The following TENM3 variants were observed in gnomAD, a reference collection of about 807,000 sequenced individuals.
TENM3 encodes teneurin transmembrane protein 3.
TENM3 carries 63 observed loss-of-function variants against 255.1 expected under a neutral mutation model. The ratio of observed to expected loss-of-function variants is 0.25; its 90% CI spans 0.20 to 0.30. TENM3 has a LOEUF of 0.30. TENM3 is among the 10% of genes least tolerant of loss of function. The probability of loss-of-function intolerance (pLI) is 1.00; values close to 1 mark genes in which losing one functional copy is unlikely to be tolerated. For missense variants in TENM3, 2,929 were observed against 3,461.1 expected (o/e 0.85, Z 3.86); for synonymous variants, 1,306 against 1,322.3 (o/e 0.99, Z 0.27).
At chr4:182,703,661 AT>A (rs1285708666) in intron 12 of TENM3, among the ~76,000 whole-genome samples, 1 of 152,220 alleles carries the variant, frequency 6.6e-6, no homozygotes, top group Non-Finnish European at 1.5e-5. Context: ...TTTGTTTACT[AT>A]TTTCATAAAA....
At chr4:182,060,151 C>G in the TENM3 span, among the ~76,000 whole-genome samples, 1 of 152,030 alleles carries the variant, frequency 6.6e-6, no homozygotes, top group Non-Finnish European at 1.5e-5. Context: ...GTGGAAGGAT[C>G]GCTTAAGTCC....
chr4:182,048,210 A>G, the TENM3 span, among the ~76,000 whole-genome samples: 2 of 152,216 alleles, frequency 1.3e-5, no homozygotes, highest in African/African-American at 4.8e-5. Flanking sequence ...GATGATGGAT[A>G]CTAAACTATG....
chr4:182,550,997 G>T (rs1275576164), intron 3 of TENM3, among the ~76,000 whole-genome samples: 1 of 152,122 alleles, frequency 6.6e-6, no homozygotes, highest in Non-Finnish European at 1.5e-5. Context: ...AAGATGGGTG[G>T]ATCACTTAAG....
At chr4:182,657,012 T>G (rs1242004623) in intron 6 of TENM3, among the ~76,000 whole-genome samples, 2 of 152,200 alleles carry the variant, frequency 1.3e-5, no homozygotes, top group Non-Finnish European at 2.9e-5. Flanking sequence ...GAATGAAGTT[T>G]GTAGCTCAAA....
the TENM3 span, among the ~76,000 whole-genome samples, chr4:181,867,335 A>T: frequency 1.3e-5 from 2 of 152,002 alleles, no homozygotes; most frequent in Admixed American, 6.6e-5. Flanking sequence ...GGCTGCCCCC[A>T]TCCAATCTTC....
chr4:182,288,199 G>T (rs532304702), intron 1 of TENM3, among the ~76,000 whole-genome samples: 2 of 152,108 alleles, frequency 1.3e-5, no homozygotes, highest in Non-Finnish European at 2.9e-5. Flanking sequence ...GCCTCCCAAA[G>T]TACTGGGATT....
At chr4:182,644,210 A>T (rs542386158) in intron 5 of TENM3, among the ~76,000 whole-genome samples, 1 of 152,128 alleles carries the variant, frequency 6.6e-6, no homozygotes, top group Non-Finnish European at 1.5e-5. Context: ...ACCAGCTGTC[A>T]TCACCCTTCC....
the TENM3 span, among the ~76,000 whole-genome samples, chr4:181,863,654 A>G: frequency 6.6e-6 from 1 of 152,048 alleles, no homozygotes; most frequent in East Asian, 1.9e-4. Context: ...CCAGAGATCT[A>G]AGGGTAGTAG....
At chr4:182,756,772 C>T (rs187382762) in intron 22 of TENM3, among the ~76,000 whole-genome samples, 27 of 152,184 alleles carry the variant, frequency 1.8e-4, no homozygotes, top group Middle Eastern at 3.4e-3. Context: ...TGAATGTTAG[C>T]CAGCAGCATG....
the TENM3 span, among the ~76,000 whole-genome samples, chr4:181,729,225 T>G: frequency 6.6e-6 from 1 of 152,202 alleles, no homozygotes; most frequent in African/African-American, 2.4e-5. Flanking sequence ...AGTCAAAATA[T>G]TATTTCTGGA....
At chr4:181,553,719 G>A in the TENM3 span, among the ~76,000 whole-genome samples, 2 of 152,106 alleles carry the variant, frequency 1.3e-5, no homozygotes, top group Non-Finnish European at 2.9e-5. Flanking sequence ...GGGATTACAG[G>A]CGTGAGCCAC....
At chr4:181,831,491 C>T in the TENM3 span, among the ~76,000 whole-genome samples, 1 of 73,900 alleles carries the variant, frequency 1.4e-5, no homozygotes, top group Non-Finnish European at 2.5e-5. Context: ...TTAACATTGC[C>T]TATGTGCCAA....
intron 3 of TENM3, chr4:182,449,022 A>T (rs1331397777): frequency 2.6e-6 from 1 of 389,980 alleles, no homozygotes; most frequent in Non-Finnish European, 5.1e-6. Flanking sequence ...CTCCAGACCC[A>T]GGCAACTTGG....
At chr4:181,457,047 A>C in the TENM3 span, among the ~76,000 whole-genome samples, 1 of 151,950 alleles carries the variant, frequency 6.6e-6, no homozygotes, top group Non-Finnish European at 1.5e-5. Context: ...AAGTCTCTAA[A>C]AGTATTGGAG....
At chr4:182,696,875 CAAATTATGT>C (rs939691745) in intron 12 of TENM3, among the ~76,000 whole-genome samples, 9 of 152,124 alleles carry the variant, frequency 5.9e-5, no homozygotes, top group Non-Finnish European at 1.2e-4. Context: ...GAGGGCCTCC[CAAATTATGT>C]AAATTTCAGA....
intron 5 of TENM3, among the ~76,000 whole-genome samples, chr4:182,641,478 A>G: frequency 6.6e-6 from 1 of 152,120 alleles, no homozygotes; most frequent in Non-Finnish European, 1.5e-5. Flanking sequence ...TGCTTAAGTC[A>G]GTAGCATACA....
At chr4:181,839,366 TATATATATATATATATATAC>T in the TENM3 span, among the ~76,000 whole-genome samples, 77 of 66,908 alleles carry the variant, frequency 1.2e-3, no homozygotes, top group East Asian at 0.01. Flanking sequence ...TATATATATA[TATATATATATATATATATAC>T]ACCTATATAC....
chr4:182,418,725 C>G (rs1328778928), intron 3 of TENM3, among the ~76,000 whole-genome samples: 1 of 152,108 alleles, frequency 6.6e-6, no homozygotes, highest in Non-Finnish European at 1.5e-5. Context: ...CAACACCAAG[C>G]TAATTTTTTG....
the TENM3 span, among the ~76,000 whole-genome samples, chr4:181,716,880 T>A: frequency 2.0e-5 from 3 of 152,202 alleles, no homozygotes; most frequent in Non-Finnish European, 4.4e-5. Context: ...CCACCCCACC[T>A]CTGGGTCCGC....
Sources: gnomAD v4.1 joint callset for allele counts (sites outside exome capture counted in the v4.1 genomes callset) on GRCh38, gnomAD v4.1.1 for gene constraint, MANE v1.5 for transcripts, NCBI Gene and HGNC (gene_info 2026-07-23, HGNC 2026-07-21) for gene names.